Variants in ZFAND4 observed in about 807,000 individuals in gnomAD.
The protein encoded by ZFAND4 is AN1-type zinc finger protein 4.
Under a neutral mutation model 64.4 loss-of-function variants are expected in ZFAND4, and 43 were observed. The observed-to-expected ratio is 0.67, with a 90% confidence interval of 0.52 to 0.86. The LOEUF (loss-of-function observed/expected upper bound fraction) is 0.86, where lower values mean the gene tolerates loss of function less well. Among genes scored for constraint, ZFAND4 ranks in the 40% least tolerant of loss-of-function variants. The probability of loss-of-function intolerance (pLI) is 0.00; values close to 1 mark genes in which losing one functional copy is unlikely to be tolerated. For missense variants in ZFAND4, 929 were observed against 859.8 expected (o/e 1.08, Z -1.01); for synonymous variants, 296 against 305.7 (o/e 0.97, Z 0.33).
intron 7 of ZFAND4, 32 bp from the exon 8 acceptor site, chr10:45,624,669 T>A (rs549640898): frequency 1.3e-6 from 2 of 1,563,374 alleles, no homozygotes; most frequent in East Asian, 2.2e-5. Flanking sequence ...TCTATAGAGG[T>A]GAGTCAATGA....
Position 45,627,074 on chromosome 10 carries a change from G to T in ZFAND4, c.749C>A (p.Pro250Gln). 6.4e-7 allele frequency: 1 copy of T among 1,560,070 alleles called. No individual in the cohort carries two copies. Among genetic ancestry groups the T allele is most frequent in the South Asian group, 1.2e-5 (1 of 81,146 alleles). Residue 250 changes from proline to glutamine, a missense_variant, in exon 7 of 10, where the codon CCA (proline) becomes CAA (glutamine). Coordinates refer to ENST00000344646, the MANE Select transcript of ZFAND4 (RefSeq NM_174890.4). The stretch of plus-strand genomic sequence containing the variant: ...ACTAGAAGGTCGAGGAGCTACAGGT[G>T]GGTGAGGTTTTATCTTGACAGCTTT... Reference protein sequence around the residue: ...PKKAVKIKPHPPVAPRPSSGS... With the variant: ...PKKAVKIKPHQPVAPRPSSGS...
At chr10:45,619,179 T>C (rs1287073609) in intron 8 of ZFAND4, among the ~76,000 whole-genome samples, 4 of 151,886 alleles carry the variant, frequency 2.6e-5, no homozygotes, top group Non-Finnish European at 4.4e-5. Context: ...GCTGGGACTA[T>C]GGGCACGCAC....
At chr10:45,628,416 C>A (rs888990952) in intron 6 of ZFAND4, among the ~76,000 whole-genome samples, 1 of 152,180 alleles carries the variant, frequency 6.6e-6, no homozygotes, top group African/African-American at 2.4e-5. Flanking sequence ...TCAAGCAATT[C>A]TCCTGCCTCA....
intron 6 of ZFAND4, among the ~76,000 whole-genome samples, chr10:45,629,412 G>T (rs925242865): frequency 7.9e-5 from 12 of 152,136 alleles, no homozygotes; most frequent in Admixed American, 2.0e-4. Flanking sequence ...ATCACTTTTT[G>T]AAGGGAGAAG....
intron 8 of ZFAND4, among the ~76,000 whole-genome samples, chr10:45,621,451 CTG>C (rs2045415727): frequency 6.7e-6 from 1 of 149,650 alleles, no homozygotes; most frequent in South Asian, 2.1e-4. Context: ...CAGAAGAAAA[CTG>C]AGGTTAAGGC....
In ZFAND4 at chr10:45,638,557, A is replaced by T. The variant is rs189861350; in HGVS notation, c.717+1259T>A. Among the ~76,000 whole-genome samples the T allele has an allele frequency of 9.2e-5, 14 of 152,252 alleles. 2 individuals are homozygous for T. Among genetic ancestry groups the T allele is most frequent in the African/African-American group, 2.9e-4 (12 of 41,550 alleles). ...GCAAAATTGTCTGGCATAATACTAA[A>T]GTTAAACGTGCATCTTCCCTCTGAC... On this transcript the variant is annotated intron_variant, in intron 6 of 9. Coordinates refer to ENST00000344646, the MANE Select transcript of ZFAND4 (RefSeq NM_174890.4).
At chr10:45,639,740 G>T in intron 6 of ZFAND4, 76 bp downstream of exon 6, 2 of 1,458,572 alleles carry the variant, frequency 1.4e-6, no homozygotes, top group South Asian at 1.5e-5. Flanking sequence ...TTTTCACAAT[G>T]ACCAACAGAC....
At position 45,663,526 on chromosome 10, in the gene ZFAND4, A is replaced by C. The variant is rs866286780; in HGVS notation, c.184+16T>G. The C allele has an allele frequency of 6.4e-7, 1 of 1,557,122 alleles. No individual in the cohort carries two copies. On this transcript the variant is annotated intron_variant, in intron 2 of 9. Coordinates refer to ENST00000344646, the MANE Select transcript of ZFAND4 (RefSeq NM_174890.4). ...AATTTAATTTTCATATCCTAAAAAC[A>C]AAGAAAGATGAGTACCTTCCAATCT...
intron 1 of ZFAND4, among the ~76,000 whole-genome samples, chr10:45,665,391 A>C (rs1464288501): frequency 6.6e-6 from 1 of 151,936 alleles, no homozygotes; most frequent in Non-Finnish European, 1.5e-5. Flanking sequence ...AAATACAAAA[A>C]TTAGCCAGGA....
intron 5 of ZFAND4, among the ~76,000 whole-genome samples, chr10:45,642,910 CTTTTTTT>C (rs749998698): frequency 2.4e-5 from 2 of 83,832 alleles, no homozygotes; most frequent in African/African-American, 1.0e-4. Flanking sequence ...TTCTCCAAAT[CTTTTTTT>C]TTTTTTTTTT....
chr10:45,655,905 T>G (rs545018708), intron 2 of ZFAND4, among the ~76,000 whole-genome samples: 2 of 152,260 alleles, frequency 1.3e-5, no homozygotes, highest in Admixed American at 6.5e-5. Context: ...CAGGGCCAGA[T>G]GGATTCACAG....
At position 45,662,367 on chromosome 10, in the gene ZFAND4, T is replaced by C. The variant is rs542824034; in HGVS notation, c.184+1175A>G. Among the ~76,000 whole-genome samples the C allele has an allele frequency of 1.3e-3, 192 of 152,314 alleles. 1 individual carries two copies. Among genetic ancestry groups the C allele is most frequent in the African/African-American group, 4.3e-3 (177 of 41,562 alleles). On this transcript the variant is annotated intron_variant, in intron 2 of 9. Transcript: ENST00000344646. ...TAATCTCCTCTAAACCCAAGTTGAC[T>C]CTTCTGACATAAAAAGATTGAAACA...
In ZFAND4 at chr10:45,645,272, T is replaced by C. The variant is rs180778385; in HGVS notation, c.569+3022A>G. 2.4e-4 allele frequency among the ~76,000 whole-genome samples: 37 copies of C among 152,304 alleles called. 1 individual carries two copies. Among genetic ancestry groups the C allele is most frequent in the Admixed American group, 1.5e-3 (23 of 15,298 alleles). ...TGTGAGCCACCATGCCCTTTAAACA[T>C]GTAAGGTCTTTAAAGTCTACAGTTA... is the stretch of plus-strand genomic sequence containing the variant. On this transcript the variant is annotated intron_variant, in intron 5 of 9. Transcript: ENST00000344646.
chr10:45,670,562 G>A (rs1346633269), intron 1 of ZFAND4, among the ~76,000 whole-genome samples: 2 of 152,150 alleles, frequency 1.3e-5, no homozygotes, highest in African/African-American at 4.8e-5. Flanking sequence ...TGACAAACCT[G>A]ACAAAAACAA....
intron 8 of ZFAND4, among the ~76,000 whole-genome samples, chr10:45,618,813 C>A (rs981131566): frequency 6.6e-6 from 1 of 152,090 alleles, no homozygotes; most frequent in Admixed American, 6.6e-5. Flanking sequence ...GGTTAATAAG[C>A]ACTTTAAGGT....
At chr10:45,649,277 T>C (rs563332156) in intron 4 of ZFAND4, among the ~76,000 whole-genome samples, 5 of 152,284 alleles carry the variant, frequency 3.3e-5, no homozygotes, top group Admixed American at 2.0e-4. Context: ...TTAAGAGCTG[T>C]TCCTTGACAT....
intron 3 of ZFAND4, 119 bp downstream of exon 3, chr10:45,652,865 G>C: frequency 1.4e-6 from 1 of 698,732 alleles, no homozygotes. Context: ...ATGAAATCTA[G>C]GAATGTGAAC....
chr10:45,635,331 C>T (rs893841144), intron 6 of ZFAND4, among the ~76,000 whole-genome samples: 1 of 151,474 alleles, frequency 6.6e-6, no homozygotes, highest in Non-Finnish European at 1.5e-5. Context: ...GATGCACAAC[C>T]AATGGAAAAG....
At chr10:45,664,723 C>T (rs1020970662) in intron 1 of ZFAND4, among the ~76,000 whole-genome samples, 7 of 151,898 alleles carry the variant, frequency 4.6e-5, no homozygotes, top group African/African-American at 1.7e-4. Flanking sequence ...GTCAGGAGAT[C>T]GAGACCATCC....
Sources: allele counts gnomAD v4.1 joint callset (sites outside exome capture counted in the v4.1 genomes callset), GRCh38; gene constraint gnomAD v4.1.1; transcripts MANE v1.5; gene names NCBI Gene and HGNC (gene_info 2026-07-23, HGNC 2026-07-21).